Variants in AVIL observed in about 807,000 individuals in gnomAD.
AVIL encodes advillin.
Under a neutral mutation model 109.9 loss-of-function variants are expected in AVIL, and 78 were observed. The ratio of observed to expected loss-of-function variants is 0.71; its 90% confidence interval spans 0.59 to 0.86. The LOEUF is 0.86. Ranked by LOEUF, AVIL falls within the 40% of genes least tolerant of loss-of-function variation. AVIL has a pLI of 0.00. For missense variants in AVIL, 892 were observed against 1,016.5 expected (o/e 0.88, Z 1.67); for synonymous variants, 367 against 379.1 (o/e 0.97, Z 0.37).
In AVIL at chr12:57,810,520, C is replaced by T; in HGVS notation, c.590G>A (p.Arg197Lys). ...TATTTTAGCACGGCCCCCTCGCTCC[C>T]TGTCTCGAATATCCTTTGCCAGAAG... Reference protein sequence around the residue: ...AMLLAKDIRDRERGGRAKIGV... With the variant: ...AMLLAKDIRDKERGGRAKIGV... Residue 197 changes from arginine (R) to lysine (K), a missense_variant, in exon 7 of 20, where the codon AGG (arginine) becomes AAG (lysine). Arg to Lys is a conservative substitution (Grantham distance 26). Coordinates refer to ENST00000549994, the MANE Select transcript of AVIL (RefSeq NM_006576.4). The T allele has an allele frequency of 6.2e-7, 1 of 1,614,022 alleles. No individual in the cohort carries two copies. The highest frequency in any genetic ancestry group is 8.5e-7 in the Non-Finnish European group (1 of 1,180,034).
chr12:57,810,707 G>A, intron 6 of AVIL, 109 bp downstream of exon 6: 2 of 1,417,964 alleles, frequency 1.4e-6, no homozygotes, highest in Non-Finnish European at 9.8e-7. Flanking sequence ...CTGTCTCCAA[G>A]ACAGATTCTA....
In AVIL at chr12:57,807,594, C is replaced by A. The variant is rs1419620840; in HGVS notation, c.1328G>T (p.Trp443Leu). 2 of 1,614,240 alleles carry A rather than the reference C, an allele frequency of 1.2e-6. No individual in the cohort carries two copies. The highest frequency in any genetic ancestry group is 2.2e-5 in the South Asian group (2 of 91,084). ...TGAAGCCTGTGCCAGGCCTACCTGC[C>A]AGATGTACAAGATGTGATGTGGCTT... is the stretch of plus-strand genomic sequence containing the variant. ...NGKPHHILYI[W>L]QGRHASQDEL... The change falls in exon 12 of 20, where the codon TGG becomes TTG. Residue 443 changes from tryptophan (W) to leucine (L), a missense_variant. By Grantham distance (61) the Trp-to-Leu change is moderately conservative. Transcript: ENST00000549994.
chr12:57,814,048 G>A (rs1434878167), intron 3 of AVIL, 104 bp downstream of exon 3: 30 of 1,219,366 alleles, frequency 2.5e-5, no homozygotes, highest in East Asian at 1.3e-4. Flanking sequence ...CATTGAGACC[G>A]ATACCAGGGA....
rs779664128 is a variant in AVIL, at chr12:57,810,511, C to T, written c.599G>A (p.Gly200Glu). 1.9e-6 allele frequency: 3 copies of T among 1,614,046 alleles called. No homozygotes were observed. Among genetic ancestry groups the T allele is most frequent in the Non-Finnish European group, 2.5e-6 (3 of 1,180,026 alleles). The change falls in exon 7 of 20, where the codon GGG (glycine) becomes GAG (glutamate). Residue 200 changes from glycine (G) to glutamate (E), a missense_variant. Transcript: ENST00000549994. ...GATCACTCCTATTTTAGCACGGCCC[C>T]CTCGCTCCCTGTCTCGAATATCCTT... ...LAKDIRDRERGGRAKIGVIEG... is the reference protein window; with the variant it reads ...LAKDIRDREREGRAKIGVIEG...
Position 57,799,724 on chromosome 12 carries a change from A to G in AVIL, c.2346+71T>C, listed in dbSNP as rs187256855. 5.6e-6 allele frequency: 9 copies of G among 1,602,274 alleles called. No homozygotes were observed. The Admixed American group carries it at 1.0e-4, about 18-fold the overall frequency. On this transcript the variant is annotated intron_variant, in intron 19 of 19. Transcript: ENST00000549994. ...CAATGTGCCGGAGCTGTCCTAGGCC[A>G]TTTGCTGAGCTGAGTTTTTTACTCA...
intron 14 of AVIL, among the ~76,000 whole-genome samples, chr12:57,805,352 C>T (rs765950450): frequency 3.0e-4 from 46 of 152,036 alleles, no homozygotes; most frequent in Middle Eastern, 6.9e-3. Flanking sequence ...CCACCGCGCC[C>T]GGCCTTAGTG....
Position 57,813,587 on chromosome 12 carries a change from C to T in AVIL, c.142-164G>A, listed in dbSNP as rs188765248. ...CTGCCCTGGCCCCCGAGCAGACCTG[C>T]GATCATGGCATAAACTTTGGCAGCC... On this transcript the variant is annotated intron_variant, in intron 3 of 19. Coordinates refer to ENST00000549994, the MANE Select transcript of AVIL (RefSeq NM_006576.4). Among the ~76,000 whole-genome samples, 53 of 152,296 alleles carry T rather than the reference C, an allele frequency of 3.5e-4. No individual in the cohort carries two copies. The East Asian group carries it at 7.9e-3, about 23-fold the overall frequency.
intron 4 of AVIL, 131 bp downstream of exon 4, chr12:57,813,096 G>A (rs1001717713): frequency 2.6e-5 from 30 of 1,153,650 alleles, no homozygotes; most frequent in Non-Finnish European, 3.6e-5. Flanking sequence ...TGCTGCTCTA[G>A]TGGGTGGAAG....
At chr12:57,817,016 C>A (rs769521512) in intron 1 of AVIL, among the ~76,000 whole-genome samples, 3 of 152,014 alleles carry the variant, frequency 2.0e-5, no homozygotes, top group African/African-American at 7.3e-5. Context: ...TGGTAAAGAT[C>A]TAAGTCTGTG....
In AVIL at chr12:57,797,773, T is replaced by G; in HGVS notation, c.*109A>C. 1.1e-6 allele frequency: 1 copy of G among 907,476 alleles called. No homozygotes were observed. Among genetic ancestry groups the G allele is most frequent in the Non-Finnish European group, 1.6e-6 (1 of 644,624 alleles). 56.2% of individuals were successfully genotyped at this position (907,476 alleles called of 1,614,324 possible). ...CGTGATTTGCAGACTCTATTATATCTAAATTAAGTAGCTGAATGTCAGGCA... is the reference window on the plus strand; with the variant it reads ...CGTGATTTGCAGACTCTATTATATCGAAATTAAGTAGCTGAATGTCAGGCA... On this transcript the variant is annotated 3_prime_UTR_variant, in exon 20 of 20. Coordinates refer to ENST00000549994, the MANE Select transcript of AVIL (RefSeq NM_006576.4).
intron 2 of AVIL, 156 bp downstream of exon 2, chr12:57,815,819 G>C (rs1345764650): frequency 5.4e-5 from 82 of 1,515,194 alleles, no homozygotes; most frequent in Non-Finnish European, 7.0e-5. Flanking sequence ...ACCCAGGAGA[G>C]GTGAAGGATG....
At chr12:57,800,285 C>A in intron 18 of AVIL, 1 of 180,646 alleles carries the variant, frequency 5.5e-6, no homozygotes. Flanking sequence ...TGTAGTCCTA[C>A]TTAAATACAA....
chr12:57,811,717 C>T (rs1314452046), intron 4 of AVIL, among the ~76,000 whole-genome samples: 1 of 152,256 alleles, frequency 6.6e-6, no homozygotes, highest in African/African-American at 2.4e-5. Context: ...AGAAGGGCCT[C>T]AGTCAGTGGA....
At chr12:57,803,110 A>G (rs1955883564) in intron 16 of AVIL, 137 bp downstream of exon 16, 6 of 1,141,480 alleles carry the variant, frequency 5.3e-6, no homozygotes, top group Non-Finnish European at 7.4e-6. Flanking sequence ...TCTTTTGGTC[A>G]CTGCTGACAA....
In AVIL at chr12:57,797,991, T is replaced by G; in HGVS notation, c.2351A>C (p.Tyr784Ser). 6.2e-7 allele frequency: 1 copy of G among 1,603,190 alleles called. No individual in the cohort carries two copies. The highest frequency in any genetic ancestry group is 8.5e-7 in the Non-Finnish European group (1 of 1,175,006). ...EDVNPAKKEN[Y>S]LSEQDFVSVF... ...AGACACAAAGTCCTGTTCAGAGAGG[T>G]AATTCTAAGAGAGAAAACAAAGTTT... The change falls in exon 20 of 20, where the codon TAC (tyrosine) becomes TCC (serine). Residue 784 changes from tyrosine to serine, a missense_variant. Coordinates refer to ENST00000549994, the MANE Select transcript of AVIL (RefSeq NM_006576.4).
At chr12:57,802,121 C>G (rs1955860591) in intron 17 of AVIL, 39 bp downstream of exon 17, 1 of 1,605,086 alleles carries the variant, frequency 6.2e-7, no homozygotes, top group African/African-American at 1.3e-5. Flanking sequence ...TCTGAGCTAC[C>G]TGGCAGGAAG....
intron 14 of AVIL, 148 bp from the exon 15 acceptor site, chr12:57,803,817 C>G: frequency 8.7e-7 from 1 of 1,145,230 alleles, no homozygotes; most frequent in Non-Finnish European, 1.2e-6. Flanking sequence ...CAAGTTTGTT[C>G]TAGTGCTGGG....
chr12:57,809,538 A>T, intron 9 of AVIL, 59 bp downstream of exon 9: 1 of 1,577,448 alleles, frequency 6.3e-7, no homozygotes. Flanking sequence ...GTGGAGTGAC[A>T]CACCTGAAGT....
intron 16 of AVIL, 38 bp downstream of exon 16, chr12:57,803,209 G>A: frequency 1.2e-6 from 2 of 1,612,844 alleles, no homozygotes; most frequent in South Asian, 1.1e-5. Context: ...TACTGTGGGA[G>A]TCTTTCTCAT....
Sources: gnomAD v4.1 joint callset for allele counts (sites outside exome capture counted in the v4.1 genomes callset) on GRCh38, gnomAD v4.1.1 for gene constraint, MANE v1.5 for transcripts, NCBI Gene and HGNC (gene_info 2026-07-23, HGNC 2026-07-21) for gene names.